UBE4B: variants seen among roughly 807,000 people sequenced by gnomAD.
The protein encoded by UBE4B is ubiquitination factor E4B.
UBE4B carries 27 observed loss-of-function variants against 148.1 expected under a neutral mutation model. That is an observed-to-expected ratio of 0.18 (90% CI 0.13 to 0.25). The LOEUF is 0.25. UBE4B is among the 10% of genes least tolerant of loss of function. The pLI is 1.00. For missense variants in UBE4B, 1,170 were observed against 1,662.4 expected (o/e 0.70, Z 5.15); for synonymous variants, 596 against 619.3 (o/e 0.96, Z 0.56).
At chr1:10,084,720 TGTC>T (rs1260764213) in intron 2 of UBE4B, among the ~76,000 whole-genome samples, 1 of 151,220 alleles carries the variant, frequency 6.6e-6, no homozygotes, top group South Asian at 2.1e-4. Context: ...TTTTTTGAGA[TGTC>T]GTCTTGCTCA....
At chr1:10,112,256 T>G (rs1033516874) in intron 7 of UBE4B, among the ~76,000 whole-genome samples, 5 of 152,230 alleles carry the variant, frequency 3.3e-5, no homozygotes, top group African/African-American at 1.2e-4. Flanking sequence ...GAGGGAGGTA[T>G]AATTTTCTAG....
At chr1:10,056,979 C>T (rs1247227741) in intron 1 of UBE4B, among the ~76,000 whole-genome samples, 5 of 151,890 alleles carry the variant, frequency 3.3e-5, no homozygotes, top group African/African-American at 1.2e-4. Context: ...ACACCTGGCT[C>T]ATTTTTGTAT....
chr1:10,082,318 G>A (rs1329213353), intron 2 of UBE4B, among the ~76,000 whole-genome samples: 7 of 152,008 alleles, frequency 4.6e-5, no homozygotes, highest in African/African-American at 1.7e-4. Flanking sequence ...GGACAACATA[G>A]CGAGACGTTA....
At chr1:10,103,578 G>A (rs978452106) in intron 5 of UBE4B, among the ~76,000 whole-genome samples, 6 of 148,940 alleles carry the variant, frequency 4.0e-5, no homozygotes, top group Admixed American at 1.3e-4. Flanking sequence ...GACTACAGGC[G>A]TGCACCACCA....
chr1:10,109,032 C>G (rs933902599), intron 7 of UBE4B, among the ~76,000 whole-genome samples: 2 of 152,156 alleles, frequency 1.3e-5, no homozygotes, highest in Non-Finnish European at 2.9e-5. Context: ...ACACCCCAGC[C>G]TTGCCTCAGA....
chr1:10,124,449 A>G (rs935440229), intron 10 of UBE4B, among the ~76,000 whole-genome samples: 31 of 152,180 alleles, frequency 2.0e-4, no homozygotes, highest in Admixed American at 3.3e-4. Flanking sequence ...CGGCCTCCCA[A>G]AATGCTGGGA....
intron 7 of UBE4B, among the ~76,000 whole-genome samples, chr1:10,116,576 C>A (rs1432613742): frequency 6.6e-6 from 1 of 152,134 alleles, no homozygotes; most frequent in Admixed American, 6.5e-5. Context: ...TATATCAAAT[C>A]CGTTTGTGAG....
At chr1:10,083,773 A>T (rs1267783093) in intron 2 of UBE4B, among the ~76,000 whole-genome samples, 1 of 152,126 alleles carries the variant, frequency 6.6e-6, no homozygotes, top group Non-Finnish European at 1.5e-5. Context: ...ATGAGTTGGA[A>T]CAGGTGTGTC....
At chr1:10,078,800 G>A (rs1018772485) in intron 2 of UBE4B, among the ~76,000 whole-genome samples, 1 of 152,008 alleles carries the variant, frequency 6.6e-6, no homozygotes, top group African/African-American at 2.4e-5. Flanking sequence ...AGTGGAATAG[G>A]TCTGCCTGTA....
intron 1 of UBE4B, among the ~76,000 whole-genome samples, chr1:10,039,512 C>T (rs1643676120): frequency 6.6e-6 from 1 of 151,986 alleles, no homozygotes; most frequent in Non-Finnish European, 1.5e-5. Context: ...TCACTGCAGC[C>T]TCTGGTTCCC....
intron 25 of UBE4B, among the ~76,000 whole-genome samples, chr1:10,177,884 C>G (rs1056572429): frequency 1.3e-5 from 2 of 151,998 alleles, no homozygotes; most frequent in South Asian, 4.2e-4. Context: ...GCCCATTTTA[C>G]ACTCAAAGAA....
intron 26 of UBE4B, 180 bp from the exon 27 acceptor site, chr1:10,179,236 A>G (rs1396973787): frequency 2.8e-6 from 2 of 707,556 alleles, no homozygotes; most frequent in Non-Finnish European, 4.5e-6. Flanking sequence ...CCTTCCCCTT[A>G]CAAAAGGCAA....
At chr1:10,037,189 G>A (rs1057399630) in intron 1 of UBE4B, among the ~76,000 whole-genome samples, 2 of 152,050 alleles carry the variant, frequency 1.3e-5, no homozygotes, top group Admixed American at 6.6e-5. Context: ...CACCATACCC[G>A]GCTAATTTTG....
At chr1:10,134,866 G>A (rs899084414) in intron 15 of UBE4B, 122 bp from the exon 16 acceptor site, 1 of 747,798 alleles carries the variant, frequency 1.3e-6, no homozygotes, top group South Asian at 1.8e-5. Flanking sequence ...TTGAGCCTGG[G>A]AGGTGGAGGT....
chr1:10,035,752 A>T (rs1373786411), intron 1 of UBE4B, among the ~76,000 whole-genome samples: 28 of 109,888 alleles, frequency 2.5e-4, no homozygotes, highest in Middle Eastern at 6.7e-3. Context: ...ATTTTATTTT[A>T]TTTTTTTTGA....
rs1239218510 is a variant in UBE4B at position 10,144,963 on chromosome 1, A to C, written c.2387A>C (p.Asn796Thr). ...LNRTVEDLKNNESQWKDSPLA... is the reference protein window; with the variant it reads ...LNRTVEDLKNTESQWKDSPLA... ...AGAACTGTAGAAGATTTGAAAAATA[A>C]TGAAAGCCAATGGAAAGATTCCCCA... is the stretch of plus-strand genomic sequence containing the variant. Residue 796 changes from asparagine to threonine, a missense_variant, in exon 18 of 28, where the codon AAT becomes ACT. Transcript: ENST00000343090. 7 of 1,613,600 alleles carry C rather than the reference A, an allele frequency of 4.3e-6. No homozygotes were observed. Among genetic ancestry groups the C allele is most frequent in the Non-Finnish European group, 5.9e-6 (7 of 1,179,764 alleles).
chr1:10,120,256 C>A (rs1309914987), intron 9 of UBE4B, among the ~76,000 whole-genome samples: 2 of 152,202 alleles, frequency 1.3e-5, no homozygotes, highest in African/African-American at 2.4e-5. Flanking sequence ...CATGGTGGCT[C>A]ACACCTGTAA....
intron 21 of UBE4B, among the ~76,000 whole-genome samples, chr1:10,155,212 G>T (rs532698874): frequency 4.2e-4 from 64 of 152,114 alleles, no homozygotes; most frequent in Non-Finnish European, 7.8e-4. Context: ...GGAATTGGGT[G>T]GGGGTTGTTC....
At chr1:10,038,792 C>T (rs76200681) in intron 1 of UBE4B, among the ~76,000 whole-genome samples, 2,639 of 152,106 alleles carry the variant, frequency 0.017, 37 homozygotes, top group Non-Finnish European at 0.027. Flanking sequence ...AAATGCCTGT[C>T]GCGTTAAAAA....
Sources: allele counts gnomAD v4.1 joint callset (sites outside exome capture counted in the v4.1 genomes callset), GRCh38; gene constraint gnomAD v4.1.1; transcripts MANE v1.5; gene names NCBI Gene and HGNC (gene_info 2026-07-23, HGNC 2026-07-21).